The following POPDC3 variants were observed in gnomAD, a reference collection of about 807,000 sequenced individuals.
The protein encoded by POPDC3 is popeye domain-containing protein 3.
A neutral mutation model predicts 28.2 loss-of-function variants in POPDC3; 20 were observed. That is an observed-to-expected ratio of 0.71 (90% CI 0.50 to 1.03). The LOEUF is 1.03. Ranked by LOEUF, POPDC3 falls within the 50% of genes least tolerant of loss-of-function variation. The probability of loss-of-function intolerance (pLI) is 0.00; values close to 1 mark genes in which losing one functional copy is unlikely to be tolerated. For synonymous variants in POPDC3, 118 were observed against 124.1 expected (o/e 0.95, Z 0.33); for missense variants, 316 against 345.9 (o/e 0.91, Z 0.69).
Position 105,158,524 on chromosome 6 carries a change from G to C in POPDC3, c.822C>G (p.Arg274=). The C allele has an allele frequency of 6.2e-7, 1 of 1,613,994 alleles. No homozygotes were observed. Residue 274 remains arginine, a synonymous_variant, in exon 4 of 4, where the codon CGC becomes CGG. Transcript: ENST00000254765. ...GAAAATGTTGTGTCAGGGGTGATCTGCGTATTTCTGGAGTTGACATTTGAT... is the reference window on the plus strand; with the variant it reads ...GAAAATGTTGTGTCAGGGGTGATCTCCGTATTTCTGGAGTTGACATTTGAT... ...NFYQMSTPEI[R]RSPLTQHFQN...
rs1011911827 is a variant in POPDC3, at chr6:105,158,060, G to A, written c.*410C>T. Among the ~76,000 whole-genome samples the A allele has an allele frequency of 2.0e-5, 3 of 152,238 alleles. No individual in the cohort carries two copies. On this transcript the variant is annotated 3_prime_UTR_variant, in exon 4 of 4. Transcript: ENST00000254765. ...AGGTTGTAGCAAAAAAGTGAATTCC[G>A]GAAATGCCTATGTGGACAGTAGCAA...
At chr6:105,171,365 A>G (rs1452345954) in intron 1 of POPDC3, among the ~76,000 whole-genome samples, 1 of 152,146 alleles carries the variant, frequency 6.6e-6, no homozygotes, top group African/African-American at 2.4e-5. Context: ...AATATTGTGA[A>G]TTAATATATG....
intron 1 of POPDC3, among the ~76,000 whole-genome samples, chr6:105,164,337 G>A (rs1274916934): frequency 2.0e-5 from 3 of 152,190 alleles, no homozygotes; most frequent in Non-Finnish European, 1.5e-5. Context: ...ATATATTGGG[G>A]CTTCTGCATT....
At chr6:105,159,842 T>G in intron 2 of POPDC3, 23 bp from the exon 3 acceptor site, 1 of 1,526,240 alleles carries the variant, frequency 6.6e-7, no homozygotes, top group Non-Finnish European at 9.1e-7. Context: ...AAGAACAACA[T>G]TTATAAGGGA....
At chr6:105,179,068 T>C in intron 1 of POPDC3, 2 of 985,472 alleles carry the variant, frequency 2.0e-6, no homozygotes, top group Non-Finnish European at 2.4e-6. Context: ...GCAAATGTCT[T>C]CTGGCTAAAT....
chr6:105,166,494 A>C (rs1331351063), intron 1 of POPDC3: 1 of 459,096 alleles, frequency 2.2e-6, no homozygotes, highest in African/African-American at 2.0e-5. Context: ...AAGAGACACC[A>C]GAACATTCCA....
At chr6:105,160,175 T>C (rs2114524496) in intron 2 of POPDC3, 1 of 160,596 alleles carries the variant, frequency 6.2e-6, no homozygotes, top group Admixed American at 6.3e-5. Flanking sequence ...TTTAAGAACA[T>C]AGAGGAGTTC....
Position 105,158,522 on chromosome 6 carries a change from C to A in POPDC3, c.824G>T (p.Arg275Ile). The A allele has an allele frequency of 6.2e-7, 1 of 1,613,920 alleles. No individual in the cohort carries two copies. Reference sequence around the variant, plus strand: ...CTGAAAATGTTGTGTCAGGGGTGATCTGCGTATTTCTGGAGTTGACATTTG... The same window carrying A: ...CTGAAAATGTTGTGTCAGGGGTGATATGCGTATTTCTGGAGTTGACATTTG... ...FYQMSTPEIRRSPLTQHFQNS... is the reference protein window; with the variant it reads ...FYQMSTPEIRISPLTQHFQNS... The change falls in exon 4 of 4, where the codon AGA becomes ATA. Residue 275 changes from arginine (R) to isoleucine (I), a missense_variant. By Grantham distance (97) the Arg-to-Ile change is moderately conservative (BLOSUM62 -3). Coordinates refer to ENST00000254765, the MANE Select transcript of POPDC3 (RefSeq NM_022361.5).
chr6:105,167,965 A>T (rs1296652455), intron 1 of POPDC3, among the ~76,000 whole-genome samples: 1 of 152,212 alleles, frequency 6.6e-6, no homozygotes, highest in Non-Finnish European at 1.5e-5. Flanking sequence ...AGAAGAAATG[A>T]AAAGACTTGG....
Position 105,161,699 on chromosome 6 carries a change from C to A in POPDC3, c.211G>T (p.Asp71Tyr). 6.2e-7 allele frequency: 1 copy of A among 1,614,150 alleles called. No homozygotes were observed. Residue 71 changes from aspartate to tyrosine, a missense_variant, in exon 2 of 4, where the codon GAT (aspartate) becomes TAT (tyrosine). By Grantham distance (160) the Asp-to-Tyr change is radical. Coordinates refer to ENST00000254765, the MANE Select transcript of POPDC3 (RefSeq NM_022361.5). ...GAAAATATGTCAGCTGCACAGACAT[C>A]TACCCAAGCCCAGACAGCAGAACAG... ...FLCSAVWAWVDVCAADIFSWN... is the reference protein window; with the variant it reads ...FLCSAVWAWVYVCAADIFSWN...
intron 1 of POPDC3, among the ~76,000 whole-genome samples, chr6:105,173,046 AGTT>A (rs1029799832): frequency 6.6e-5 from 10 of 152,204 alleles, no homozygotes; most frequent in Admixed American, 5.2e-4. Context: ...TAAAAAAGTC[AGTT>A]GTTGCATACT....
intron 1 of POPDC3, among the ~76,000 whole-genome samples, chr6:105,176,442 T>C (rs1774683832): frequency 6.6e-6 from 1 of 152,242 alleles, no homozygotes; most frequent in Admixed American, 6.5e-5. Context: ...TTCGTTTATG[T>C]ACAAAGTTAG....
chr6:105,166,837 T>G (rs1190292), intron 1 of POPDC3: 232,850 of 310,162 alleles, frequency 0.75, 95,411 homozygotes, highest in East Asian at 0.87. Context: ...GGGTTACATA[T>G]TCAAGCATTT....
At chr6:105,173,840 A>C (rs1774629648) in intron 1 of POPDC3, among the ~76,000 whole-genome samples, 1 of 120,610 alleles carries the variant, frequency 8.3e-6, no homozygotes. Flanking sequence ...TTGGAAAGAA[A>C]AAGCATTCAT....
chr6:105,172,775 C>CTATT (rs1774605660), intron 1 of POPDC3, among the ~76,000 whole-genome samples: 1 of 142,986 alleles, frequency 7.0e-6, no homozygotes, highest in Non-Finnish European at 1.6e-5. Flanking sequence ...TCTCAGCAAA[C>CTATT]TATTGCAAGG....
chr6:105,171,470 A>C (rs1774575915), intron 1 of POPDC3, among the ~76,000 whole-genome samples: 1 of 151,996 alleles, frequency 6.6e-6, no homozygotes, highest in Non-Finnish European at 1.5e-5. Context: ...GGAGTTTAAG[A>C]CCAGCCTGAG....
chr6:105,164,863 T>C (rs1774426598), intron 1 of POPDC3, among the ~76,000 whole-genome samples: 1 of 152,254 alleles, frequency 6.6e-6, no homozygotes, highest in African/African-American at 2.4e-5. Context: ...GGTTTTTTTC[T>C]CTTTAAATTG....
chr6:105,166,158 T>G (rs751010374), intron 1 of POPDC3, among the ~76,000 whole-genome samples: 1 of 152,204 alleles, frequency 6.6e-6, no homozygotes, highest in Non-Finnish European at 1.5e-5. Flanking sequence ...ACTGGTTTCC[T>G]CATTGGTAAA....
At chr6:105,169,423 A>G (rs1301685522) in intron 1 of POPDC3, 1 of 152,188 alleles carries the variant, frequency 6.6e-6, no homozygotes, top group Non-Finnish European at 1.5e-5. Flanking sequence ...ATTTGAACAC[A>G]TGGGCAACTT....
Sources: allele counts gnomAD v4.1 joint callset (sites outside exome capture counted in the v4.1 genomes callset), GRCh38; gene constraint gnomAD v4.1.1; transcripts MANE v1.5; gene names NCBI Gene and HGNC (gene_info 2026-07-23, HGNC 2026-07-21).